Variants in COL4A2 observed in about 807,000 individuals in gnomAD.
COL4A2 encodes collagen alpha-2(IV) chain.
Under a neutral mutation model 200.2 loss-of-function variants are expected in COL4A2, and 99 were observed. The ratio of observed to expected loss-of-function variants is 0.49; its 90% CI spans 0.42 to 0.58. COL4A2 has a LOEUF of 0.58. Ranked by LOEUF, COL4A2 falls within the 20% of genes least tolerant of loss-of-function variation. The pLI is 0.00. For synonymous variants in COL4A2, 897 were observed against 900.6 expected, an observed-to-expected ratio of 1.00 and a Z score of 0.07; for missense variants, 1,950 against 2,314.1, an observed-to-expected ratio of 0.84 and a Z score of 3.23.
chr13:110,458,901 C>T lies in COL4A2; in HGVS notation c.1563C>T (p.Gly521=). 6.3e-7 allele frequency: 1 copy of T among 1,592,808 alleles called. No individual in the cohort carries two copies. Among genetic ancestry groups the T allele is most frequent in the Non-Finnish European group, 8.5e-7 (1 of 1,170,048 alleles). ...GGAAAGGGGACAGAGGAGACCCCGG[C>T]CAACACGGCCTCCCTGGGTTCCCAG... The part of the protein sequence containing the change: ...PGRKGDRGDP[G]QHGLPGFPGL... The change falls in exon 22 of 48, where the codon GGC becomes GGT. Residue 521 remains glycine, a synonymous_variant. Transcript: ENST00000360467.
intron 4 of COL4A2, among the ~76,000 whole-genome samples, chr13:110,408,986 G>GCACA (rs137877641): frequency 0.022 from 680 of 31,530 alleles, 197 homozygotes; most frequent in Middle Eastern, 0.059. Context: ...ACACACACAT[G>GCACA]CACACACGCA....
chr13:110,433,598 G>A (rs954540777), intron 11 of COL4A2, among the ~76,000 whole-genome samples: 1 of 152,258 alleles, frequency 6.6e-6, no homozygotes, highest in African/African-American at 2.4e-5. Flanking sequence ...GGACATTGGA[G>A]GGGGCGGACG....
At chr13:110,347,321 C>A (rs1343033679) in intron 3 of COL4A2, among the ~76,000 whole-genome samples, 1 of 152,188 alleles carries the variant, frequency 6.6e-6, no homozygotes, top group Non-Finnish European at 1.5e-5. Context: ...CATTGGAGAC[C>A]CTTTAGCTGG....
In COL4A2 at chr13:110,465,496, T is replaced by A. The variant is rs886049975; in HGVS notation, c.1868T>A (p.Leu623Gln). The A allele has an allele frequency of 6.8e-6, 11 of 1,613,910 alleles. No individual in the cohort carries two copies. The highest frequency in any genetic ancestry group is 7.6e-6 in the Non-Finnish European group (9 of 1,180,016). Residue 623 changes from leucine to glutamine, a missense_variant, in exon 25 of 48, where the codon CTG becomes CAG. Physicochemically the swap from Leu to Gln is moderately radical, Grantham distance 113. This residue lies in a region of COL4A2 where 1,385 missense variants were observed against 1,720.5 expected (regional missense o/e 0.80). Coordinates refer to ENST00000360467, the MANE Select transcript of COL4A2 (RefSeq NM_001846.4). Reference protein sequence around the residue: ...GTPGEMGPPGLGLPGLKGQRG... With the variant: ...GTPGEMGPPGQGLPGLKGQRG... ...CCAGGAGAAATGGGCCCCCCAGGAC[T>A]GGGCCTTCCCGGCCTCAAAGGCCAA...
chr13:110,500,275 C>A (rs1883598192), intron 40 of COL4A2, among the ~76,000 whole-genome samples: 1 of 152,224 alleles, frequency 6.6e-6, no homozygotes, highest in South Asian at 2.1e-4. Flanking sequence ...CTCACTATTT[C>A]CTGCAGAGCA....
chr13:110,439,984 T>C, intron 16 of COL4A2, 151 bp downstream of exon 16: 1 of 1,234,384 alleles, frequency 8.1e-7, no homozygotes, highest in East Asian at 2.7e-5. Flanking sequence ...AAGATAATCC[T>C]GCCTCACAAT....
chr13:110,449,576 A>G (rs866877428), intron 18 of COL4A2, 103 bp from the exon 19 acceptor site: 62 of 1,114,064 alleles, frequency 5.6e-5, no homozygotes, highest in Middle Eastern at 4.3e-4. Context: ...CGCATACAGC[A>G]TATGGAGCAT....
At chr13:110,380,983 C>G (rs571870896) in intron 4 of COL4A2, among the ~76,000 whole-genome samples, 1 of 150,692 alleles carries the variant, frequency 6.6e-6, no homozygotes, top group South Asian at 2.1e-4. Context: ...ATGTCACACC[C>G]ACAGGCTCTA....
intron 4 of COL4A2, among the ~76,000 whole-genome samples, chr13:110,378,674 A>G (rs1357938510): frequency 3.9e-5 from 6 of 152,240 alleles, no homozygotes; most frequent in Admixed American, 3.9e-4. Context: ...CCTCTGCATG[A>G]AAAGTCGCAT....
At chr13:110,385,979 C>T (rs75816352) in intron 4 of COL4A2, among the ~76,000 whole-genome samples, 2,157 of 3,906 alleles carry the variant, frequency 0.55, 707 homozygotes, top group African/African-American at 0.67. Flanking sequence ...GGGCCGTGGT[C>T]ACAGCGTGTG....
At chr13:110,438,465 C>G in intron 14 of COL4A2, 153 bp from the exon 15 acceptor site, 1 of 1,016,216 alleles carries the variant, frequency 9.8e-7, no homozygotes, top group Non-Finnish European at 1.6e-6. Context: ...AGGACCGTGC[C>G]CTGCACTGCG....
intron 39 of COL4A2, among the ~76,000 whole-genome samples, chr13:110,494,254 A>G (rs1036083690): frequency 6.6e-6 from 1 of 152,160 alleles, no homozygotes; most frequent in African/African-American, 2.4e-5. Context: ...TGATCCTCAA[A>G]AGGATCATCA....
At chr13:110,438,914 G>C (rs1313315550) in intron 15 of COL4A2, among the ~76,000 whole-genome samples, 1 of 150,962 alleles carries the variant, frequency 6.6e-6, no homozygotes, top group African/African-American at 2.4e-5. Flanking sequence ...CCCAGCAGCA[G>C]GTGTGCAGAC....
rs923877040 is a variant in COL4A2, at chr13:110,405,713, A to G, written c.181-19021A>G. On this transcript the variant is annotated intron_variant, in intron 4 of 47. Coordinates refer to ENST00000360467, the MANE Select transcript of COL4A2 (RefSeq NM_001846.4). ...TTACACATTGAGCAATTTATATACT[A>G]TTTGAAGCCACCTCACTTTTTCCCT... 3.9e-5 allele frequency among the ~76,000 whole-genome samples: 6 copies of G among 152,276 alleles called. No homozygotes were observed. The East Asian group carries it at 7.7e-4, about 20-fold the overall frequency.
chr13:110,456,685 C>T, intron 20 of COL4A2: 1 of 445,560 alleles, frequency 2.2e-6, no homozygotes, highest in African/African-American at 2.0e-5. Flanking sequence ...TGGCTGAAAG[C>T]CACCCTGGGC....
intron 4 of COL4A2, among the ~76,000 whole-genome samples, chr13:110,380,659 AC>A (rs1187675246): frequency 2.0e-5 from 3 of 151,832 alleles, no homozygotes; most frequent in Non-Finnish European, 4.4e-5. Context: ...TCTATCTCAC[AC>A]CCACGGGCTC....
At chr13:110,408,859 A>G (rs1594197343) in intron 4 of COL4A2, among the ~76,000 whole-genome samples, 1 of 118,472 alleles carries the variant, frequency 8.4e-6, no homozygotes, top group African/African-American at 2.8e-5. Flanking sequence ...ATACACACAT[A>G]CACGCACATA....
chr13:110,504,986 C>A (rs1166083251), intron 45 of COL4A2, among the ~76,000 whole-genome samples: 3 of 151,036 alleles, frequency 2.0e-5, no homozygotes, highest in East Asian at 3.9e-4. Flanking sequence ...AAAAAAAAAA[C>A]CTCAAAATTT....
chr13:110,430,477 T>C, intron 9 of COL4A2, 41 bp downstream of exon 9: 1 of 1,614,128 alleles, frequency 6.2e-7, no homozygotes, highest in Non-Finnish European at 8.5e-7. Flanking sequence ...AACAAAAGTT[T>C]AAGAGCTTCA....
Sources: gnomAD v4.1 joint callset for allele counts (sites outside exome capture counted in the v4.1 genomes callset) on GRCh38, gnomAD v4.1.1 for gene constraint, gnomAD v4.1.1 regional missense constraint, MANE v1.5 for transcripts, NCBI Gene and HGNC (gene_info 2026-07-23, HGNC 2026-07-21) for gene names.